The following SUCLG2 variants were observed in gnomAD, a reference collection of about 807,000 sequenced individuals.
The protein encoded by SUCLG2 is succinate--CoA ligase [GDP-forming] subunit beta, mitochondrial.
SUCLG2 carries 42 observed loss-of-function variants against 47.9 expected under a neutral mutation model. That is an observed-to-expected ratio of 0.88 (90% CI 0.69 to 1.14). SUCLG2 has a LOEUF of 1.14. Ranked by LOEUF, SUCLG2 falls within the 50% of genes most tolerant of loss-of-function variation. SUCLG2 has a pLI of 0.00. For synonymous variants in SUCLG2, 195 were observed against 197.3 expected, an observed-to-expected ratio of 0.99 and a Z score of 0.10; for missense variants, 571 against 525.9, an observed-to-expected ratio of 1.09 and a Z score of -0.84.
chr3:67,425,777 A>G (rs1267953629), intron 9 of SUCLG2, among the ~76,000 whole-genome samples: 1 of 152,160 alleles, frequency 6.6e-6, no homozygotes, highest in Non-Finnish European at 1.5e-5. Context: ...ATCTCTTTAT[A>G]TCTCTTATTT....
intron 1 of SUCLG2, among the ~76,000 whole-genome samples, chr3:67,634,799 G>C (rs1700981230): frequency 6.6e-6 from 1 of 152,112 alleles, no homozygotes; most frequent in Non-Finnish European, 1.5e-5. Context: ...TCAGGAATCT[G>C]CTGAAACTCA....
intron 9 of SUCLG2, among the ~76,000 whole-genome samples, chr3:67,455,737 A>G (rs1262701442): frequency 6.6e-6 from 1 of 152,094 alleles, no homozygotes; most frequent in Admixed American, 6.5e-5. Context: ...TATGGCAGAG[A>G]AAGTGAAAAA....
intron 4 of SUCLG2, among the ~76,000 whole-genome samples, chr3:67,526,502 A>C (rs1706259148): frequency 1.3e-5 from 2 of 152,178 alleles, no homozygotes; most frequent in African/African-American, 4.8e-5. Flanking sequence ...ATTAAATTTC[A>C]ACATGCATTT....
chr3:67,592,075 A>G (rs1708179032), intron 2 of SUCLG2, among the ~76,000 whole-genome samples: 1 of 152,234 alleles, frequency 6.6e-6, no homozygotes, highest in Non-Finnish European at 1.5e-5. Flanking sequence ...ATCTGATTCA[A>G]GAAATATGAT....
At position 67,548,478 on chromosome 3, in the gene SUCLG2, A is replaced by C. The variant is rs568833633; in HGVS notation, c.227-19292T>G. Among the ~76,000 whole-genome samples, 25 of 152,376 alleles carry C rather than the reference A, an allele frequency of 1.6e-4. No individual in the cohort carries two copies. The South Asian group carries it at 4.1e-3, about 25-fold the overall frequency. ...AGTACAGTTAAACTCTTCAGTATCC[A>C]TATCAGTTATTAGAGTTTAAAAATA... is the stretch of plus-strand genomic sequence containing the variant. On this transcript the variant is annotated intron_variant, in intron 2 of 10. Transcript: ENST00000307227.
At chr3:67,646,395 G>A (rs1402024281) in intron 1 of SUCLG2, among the ~76,000 whole-genome samples, 1 of 152,180 alleles carries the variant, frequency 6.6e-6, no homozygotes, top group Non-Finnish European at 1.5e-5. Context: ...AGGAGTTGAA[G>A]ACAAGCCTGG....
chr3:67,566,956 A>G (rs962191500), intron 2 of SUCLG2, among the ~76,000 whole-genome samples: 2 of 152,164 alleles, frequency 1.3e-5, no homozygotes, highest in Non-Finnish European at 2.9e-5. Flanking sequence ...AGGCCAAGGC[A>G]GGTGCATCAC....
At chr3:67,386,690 C>T (rs1702267763) in intron 10 of SUCLG2, among the ~76,000 whole-genome samples, 1 of 152,144 alleles carries the variant, frequency 6.6e-6, no homozygotes, top group Admixed American at 6.5e-5. Flanking sequence ...TGGGAAAAAC[C>T]CACCACCATG....
chr3:67,456,107 T>C (rs574933834), intron 9 of SUCLG2, among the ~76,000 whole-genome samples: 1 of 152,338 alleles, frequency 6.6e-6, no homozygotes, highest in African/African-American at 2.4e-5. Context: ...AATTTTATAA[T>C]ATTTTTCAGC....
At chr3:67,429,399 G>A (rs1703416105) in intron 9 of SUCLG2, among the ~76,000 whole-genome samples, 1 of 152,156 alleles carries the variant, frequency 6.6e-6, no homozygotes, top group South Asian at 2.1e-4. Flanking sequence ...GCAAGCAAAT[G>A]CTGAGATTTT....
chr3:67,472,468 T>C (rs1378620379), intron 9 of SUCLG2, among the ~76,000 whole-genome samples: 1 of 152,256 alleles, frequency 6.6e-6, no homozygotes, highest in Non-Finnish European at 1.5e-5. Context: ...TTTTCTGGGT[T>C]ATCTTATAAT....
chr3:67,370,319 G>A (rs957106708), downstream of SUCLG2, among the ~76,000 whole-genome samples: 1 of 152,138 alleles, frequency 6.6e-6, no homozygotes, highest in African/African-American at 2.4e-5. Flanking sequence ...GAGTCATGCA[G>A]TTGGGAAACA....
intron 1 of SUCLG2, among the ~76,000 whole-genome samples, chr3:67,629,333 C>T (rs1700887939): frequency 6.6e-6 from 1 of 152,222 alleles, no homozygotes; most frequent in Non-Finnish European, 1.5e-5. Context: ...CAGCTGCAAA[C>T]AGGGTGGCAG....
At chr3:67,397,931 A>G (rs1338160668) in intron 10 of SUCLG2, among the ~76,000 whole-genome samples, 4 of 151,022 alleles carry the variant, frequency 2.6e-5, no homozygotes, top group Admixed American at 6.6e-5. Context: ...AGGATTCCCT[A>G]TTTAATAAAT....
chr3:67,599,277 T>G (rs1232863482), intron 2 of SUCLG2, among the ~76,000 whole-genome samples: 1 of 152,142 alleles, frequency 6.6e-6, no homozygotes. Context: ...AGGTGCACTA[T>G]GAAAGAAAGA....
intron 2 of SUCLG2, among the ~76,000 whole-genome samples, chr3:67,590,032 G>T (rs186682461): frequency 1.2e-4 from 19 of 152,238 alleles, no homozygotes; most frequent in Admixed American, 4.6e-4. Flanking sequence ...AACATATGGT[G>T]TATGGGCCTC....
intron 2 of SUCLG2, among the ~76,000 whole-genome samples, chr3:67,530,951 G>A (rs1300376567): frequency 6.6e-6 from 1 of 152,204 alleles, no homozygotes; most frequent in Admixed American, 6.5e-5. Flanking sequence ...GGATATTGGA[G>A]TTAAACAGAC....
chr3:67,395,733 A>G (rs987010129), intron 10 of SUCLG2, among the ~76,000 whole-genome samples: 1 of 152,174 alleles, frequency 6.6e-6, no homozygotes, highest in African/African-American at 2.4e-5. Context: ...TTTCAGCACC[A>G]CACCACACCT....
At chr3:67,402,702 G>A in intron 9 of SUCLG2, among the ~76,000 whole-genome samples, 1 of 152,186 alleles carries the variant, frequency 6.6e-6, no homozygotes, top group East Asian at 1.9e-4. Context: ...AGTAAGGTTT[G>A]TGCAGAGGAA....
Sources: allele counts gnomAD v4.1 joint callset (sites outside exome capture counted in the v4.1 genomes callset), GRCh38; gene constraint gnomAD v4.1.1; transcripts MANE v1.5; gene names NCBI Gene and HGNC (gene_info 2026-07-23, HGNC 2026-07-21).